Variants in ZNF586 observed in about 807,000 individuals in gnomAD.
ZNF586 encodes zinc finger protein 586.
ZNF586 carries 7 observed loss-of-function variants against 6.7 expected under a neutral mutation model. The observed-to-expected ratio is 1.04, with a 90% CI of 0.59 to 1.95. ZNF586 has a LOEUF of 1.95. Ranked by LOEUF, ZNF586 falls within the 30% of genes most tolerant of loss-of-function variation. The pLI is 0.00. For missense variants in ZNF586, 442 were observed against 489.6 expected, an observed-to-expected ratio of 0.90 and a Z score of 0.92; for synonymous variants, 166 against 168.7, an observed-to-expected ratio of 0.98 and a Z score of 0.12.
At chr19:57,771,948 C>T (rs545545496) in intron 1 of ZNF586, among the ~76,000 whole-genome samples, 42 of 152,210 alleles carry the variant, frequency 2.8e-4, no homozygotes, top group African/African-American at 8.2e-4. Context: ...CCTCAGCCTC[C>T]GAAGTAGCTG....
chr19:57,776,618 T>C lies in ZNF586; in HGVS notation c.112T>C (p.Cys38Arg), dbSNP rs1220101159. 4 of 1,613,076 alleles carry C rather than the reference T, an allele frequency of 2.5e-6. No individual in the cohort carries two copies. Among genetic ancestry groups the C allele is most frequent in the African/African-American group, 2.7e-5 (2 of 74,838 alleles). ...EWSLLNEAQRCLYRDVMLETL... is the reference protein window; with the variant it reads ...EWSLLNEAQRRLYRDVMLETL... ...GAGTCTTCTTAATGAGGCTCAGAGA[T>C]GCCTGTACCGTGACGTGATGCTGGA... Residue 38 changes from cysteine to arginine, a missense_variant, in exon 2 of 3, where the codon TGC becomes CGC. Coordinates refer to ENST00000396154, the MANE Select transcript of ZNF586 (RefSeq NM_017652.4).
At chr19:57,772,777 G>C (rs1424465752) in intron 1 of ZNF586, among the ~76,000 whole-genome samples, 1 of 152,060 alleles carries the variant, frequency 6.6e-6, no homozygotes, top group East Asian at 1.9e-4. Flanking sequence ...GTCTTTATGG[G>C]GTTTTATGGA....
In ZNF586 at chr19:57,780,093, G is replaced by A. The variant is rs371314420; in HGVS notation, c.*297G>A. The A allele has an allele frequency of 4.2e-4, 156 of 371,676 alleles. No individual in the cohort carries two copies. Among genetic ancestry groups the A allele is most frequent in the Middle Eastern group, 3.8e-3 (5 of 1,304 alleles). 23.0% of individuals were successfully genotyped at this position (371,676 alleles called of 1,614,324 possible). On this transcript the variant is annotated 3_prime_UTR_variant, in exon 3 of 3. Coordinates refer to ENST00000396154, the MANE Select transcript of ZNF586 (RefSeq NM_017652.4). ...AACACTGGAGGAAACCCCTTATGAG[G>A]ATGCCATCTGCCTAAATTGAATGTC...
rs867407166 is a variant in ZNF586 at position 57,779,348 on chromosome 19, G to C, written c.761G>C (p.Arg254Thr). 6.2e-7 allele frequency: 1 copy of C among 1,613,232 alleles called. No homozygotes were observed. Among genetic ancestry groups the C allele is most frequent in the Non-Finnish European group, 8.5e-7 (1 of 1,179,890 alleles). The change falls in exon 3 of 3, where the codon AGA becomes ACA. Residue 254 changes from arginine to threonine, a missense_variant. Physicochemically the swap from Arg to Thr is moderately conservative, Grantham distance 71. Transcript: ENST00000396154. Reference sequence around the variant, plus strand: ...AACTCCAGTCTTATTAAACACTTGAGAGTTCACACAGGAGAAAGGCCTTAT... The same window carrying C: ...AACTCCAGTCTTATTAAACACTTGACAGTTCACACAGGAGAAAGGCCTTAT... ...AENSSLIKHL[R>T]VHTGERPYEC...
intron 1 of ZNF586, among the ~76,000 whole-genome samples, chr19:57,775,654 G>C (rs1987217818): frequency 7.0e-6 from 1 of 143,244 alleles, no homozygotes; most frequent in South Asian, 2.2e-4. Context: ...CCAGGCTAGA[G>C]TGCAGTGGTG....
At chr19:57,772,511 T>TCACAA (rs1987121878) in intron 1 of ZNF586, among the ~76,000 whole-genome samples, 1 of 151,560 alleles carries the variant, frequency 6.6e-6, no homozygotes, top group African/African-American at 2.4e-5. Context: ...TTTTTTTTTT[T>TCACAA]TACCTGTCCT....
Position 57,769,737 on chromosome 19 carries a change from A to G in ZNF586, c.-106A>G, listed in dbSNP as rs1260148206. On this transcript the variant is annotated 5_prime_UTR_variant, in exon 1 of 3. Transcript: ENST00000396154. Reference sequence around the variant, plus strand: ...GAGCTCGGGAGGAGTGGTTGTGGCCATTGCACACAGGCGGATCTGAGGTTC... The same window carrying G: ...GAGCTCGGGAGGAGTGGTTGTGGCCGTTGCACACAGGCGGATCTGAGGTTC... The G allele has an allele frequency of 3.2e-6, 4 of 1,242,508 alleles. No homozygotes were observed. The highest frequency in any genetic ancestry group is 4.6e-6 in the Non-Finnish European group (4 of 876,020). 77.0% of individuals were successfully genotyped at this position (1,242,508 alleles called of 1,614,324 possible).
At chr19:57,776,339 G>T (rs1484634617) in intron 1 of ZNF586, among the ~76,000 whole-genome samples, 1 of 152,182 alleles carries the variant, frequency 6.6e-6, no homozygotes, top group East Asian at 1.9e-4. Context: ...ATACCTGTGT[G>T]CTTATCTGCC....
At chr19:57,773,039 G>T (rs1325401479) in intron 1 of ZNF586, among the ~76,000 whole-genome samples, 4 of 152,174 alleles carry the variant, frequency 2.6e-5, no homozygotes, top group Non-Finnish European at 5.9e-5. Context: ...GGAGTTGCAT[G>T]CCAGAAAAGG....
In ZNF586 at chr19:57,779,770, C is replaced by G; in HGVS notation, c.1183C>G (p.His395Asp). Residue 395 changes from histidine to aspartate, a missense_variant, in exon 3 of 3, where the codon CAT becomes GAT. His to Asp is a moderately conservative substitution (Grantham distance 81). Transcript: ENST00000396154. ...SSSFRRHQRV[H>D]TGMRPYK ...TTCGTTCCGTCGCCATCAGAGAGTT[C>G]ATACTGGAATGAGGCCTTATAAGTG... 6.2e-7 allele frequency: 1 copy of G among 1,601,860 alleles called. No homozygotes were observed. Among genetic ancestry groups the G allele is most frequent in the Non-Finnish European group, 8.5e-7 (1 of 1,173,396 alleles).
intron 1 of ZNF586, among the ~76,000 whole-genome samples, chr19:57,772,197 G>A (rs540308637): frequency 4.6e-5 from 7 of 152,274 alleles, no homozygotes; most frequent in Admixed American, 1.3e-4. Context: ...TTTTATCTTA[G>A]CAGCTGTAGC....
At chr19:57,777,868 GC>G (rs1348251851) in intron 2 of ZNF586, among the ~76,000 whole-genome samples, 1 of 146,094 alleles carries the variant, frequency 6.8e-6, no homozygotes, top group African/African-American at 2.5e-5. Flanking sequence ...TGATTCTCTG[GC>G]CTCAGCCTCC....
At position 57,778,992 on chromosome 19, in the gene ZNF586, T is replaced by G; in HGVS notation, c.405T>G (p.Pro135=). 5 of 1,613,962 alleles carry G rather than the reference T, an allele frequency of 3.1e-6. No homozygotes were observed. Among genetic ancestry groups the G allele is most frequent in the Non-Finnish European group, 4.2e-6 (5 of 1,179,976 alleles). ...ATGGGAAATTATTTCACCAAAAGCC[T>G]ACACTCCATATTCATGAGAGATTTC... ...SKYGKLFHQK[P]TLHIHERFHT... Residue 135 remains proline (P), a synonymous_variant, in exon 3 of 3, where the codon CCT becomes CCG. Coordinates refer to ENST00000396154, the MANE Select transcript of ZNF586 (RefSeq NM_017652.4).
rs757043601 is a variant in ZNF586, at chr19:57,776,559, A to C, written c.53A>C (p.Glu18Ala). The change falls in exon 2 of 3, where the codon GAA (glutamate) becomes GCA (alanine). Residue 18 changes from glutamate to alanine, a missense_variant. Coordinates refer to ENST00000396154, the MANE Select transcript of ZNF586 (RefSeq NM_017652.4). ...TCATAACAGAGCAGTGTGACCTTTG[A>C]AGATGTGGCTGTAAACTTTTCCCTG... ...RAPAQSSVTF[E>A]DVAVNFSLEE... is the part of the protein sequence containing the mutation. 1.2e-6 allele frequency: 2 copies of C among 1,613,280 alleles called. No homozygotes were observed. The highest frequency in any genetic ancestry group is 4.5e-5 in the East Asian group (2 of 44,820).
chr19:57,771,949 G>A (rs555960576), intron 1 of ZNF586, among the ~76,000 whole-genome samples: 3 of 152,092 alleles, frequency 2.0e-5, no homozygotes, highest in South Asian at 2.1e-4. Flanking sequence ...CTCAGCCTCC[G>A]AAGTAGCTGG....
rs1600081153 is a variant in ZNF586 at position 57,778,773 on chromosome 19, T to G, written c.186T>G (p.Asp62Glu). Residue 62 changes from aspartate to glutamate, a missense_variant, in exon 3 of 3, where the codon GAT becomes GAG. Asp to Glu is a conservative substitution (Grantham distance 45, BLOSUM62 2). Coordinates refer to ENST00000396154, the MANE Select transcript of ZNF586 (RefSeq NM_017652.4). ...SSLGCWHGGEDEAAPSKQSTC... is the reference protein window; with the variant it reads ...SSLGCWHGGEEEAAPSKQSTC... ...TAGGTTGTTGGCATGGAGGGGAAGA[T>G]GAGGCAGCACCTTCTAAGCAGAGCA... 4 of 1,606,484 alleles carry G rather than the reference T, an allele frequency of 2.5e-6. No individual in the cohort carries two copies. The highest frequency in any genetic ancestry group is 3.4e-6 in the Non-Finnish European group (4 of 1,176,258).
intron 1 of ZNF586, among the ~76,000 whole-genome samples, chr19:57,775,022 C>T (rs1338442606): frequency 2.7e-5 from 4 of 147,162 alleles, no homozygotes; most frequent in Admixed American, 6.8e-5. Flanking sequence ...TTTTTTGAGA[C>T]GGAGTCTCGC....
At position 57,778,761 on chromosome 19, in the gene ZNF586, T is replaced by C; in HGVS notation, c.174T>C (p.His58=). Residue 58 remains histidine, a synonymous_variant, in exon 3 of 3, where the codon CAT becomes CAC. Coordinates refer to ENST00000396154, the MANE Select transcript of ZNF586 (RefSeq NM_017652.4). ...LTLISSLGCW[H]GGEDEAAPSK... ...TTTCTTTGCTTTTAGGTTGTTGGCA[T>C]GGAGGGGAAGATGAGGCAGCACCTT... 1.2e-6 allele frequency: 2 copies of C among 1,604,006 alleles called. No individual in the cohort carries two copies. Among genetic ancestry groups the C allele is most frequent in the Non-Finnish European group, 1.7e-6 (2 of 1,174,640 alleles).
Position 57,779,396 on chromosome 19 carries a change from C to A in ZNF586, c.809C>A (p.Ser270Ter). 2 of 1,613,180 alleles carry A rather than the reference C, an allele frequency of 1.2e-6. No homozygotes were observed. Among genetic ancestry groups the A allele is most frequent in the Non-Finnish European group, 1.7e-6 (2 of 1,179,870 alleles). ...RPYECVECGK[S>*]FRRSSSLLQH... Reference sequence around the variant, plus strand: ...TATGAATGCGTTGAGTGTGGAAAATCATTTCGCCGAAGCTCTTCACTCTTG... The same window carrying A: ...TATGAATGCGTTGAGTGTGGAAAATAATTTCGCCGAAGCTCTTCACTCTTG... The change falls in exon 3 of 3, where the codon TCA (serine) becomes TAA (stop). Residue 270 changes from serine to a stop codon, truncating the protein, a stop_gained. Coordinates refer to ENST00000396154, the MANE Select transcript of ZNF586 (RefSeq NM_017652.4). LOFTEE classifies it low-confidence loss of function (END_TRUNC).
Sources: gnomAD v4.1 joint callset for allele counts (sites outside exome capture counted in the v4.1 genomes callset) on GRCh38, gnomAD v4.1.1 for gene constraint, MANE v1.5 for transcripts, NCBI Gene and HGNC (gene_info 2026-07-23, HGNC 2026-07-21) for gene names.